GOLGA3: variants seen among roughly 807,000 people sequenced by gnomAD.
GOLGA3 encodes golgin A3.
GOLGA3 carries 75 observed loss-of-function variants against 169.4 expected under a neutral mutation model. The observed-to-expected ratio is 0.44, with a 90% CI of 0.37 to 0.54. GOLGA3 has a LOEUF of 0.54. Ranked by LOEUF, GOLGA3 falls within the 20% of genes least tolerant of loss-of-function variation. The probability of loss-of-function intolerance (pLI) is 0.00; values close to 1 mark genes in which losing one functional copy is unlikely to be tolerated. For missense variants in GOLGA3, 1,899 were observed against 1,930.0 expected (o/e 0.98, Z 0.30); for synonymous variants, 824 against 822.4 (o/e 1.00, Z -0.03).
intron 3 of GOLGA3, among the ~76,000 whole-genome samples, chr12:132,814,777 G>A (rs1451075246): frequency 6.6e-6 from 1 of 152,244 alleles, no homozygotes; most frequent in Non-Finnish European, 1.5e-5. Flanking sequence ...CGGGACAGGA[G>A]GGGAAAATTT....
chr12:132,806,003 G>A (rs149017681), intron 6 of GOLGA3, among the ~76,000 whole-genome samples: 5 of 152,314 alleles, frequency 3.3e-5, no homozygotes, highest in African/African-American at 1.2e-4. Flanking sequence ...AGTGGCCACC[G>A]CAGTGCTGTG....
At chr12:132,799,370 A>C (rs1484348138) in intron 8 of GOLGA3, among the ~76,000 whole-genome samples, 1 of 152,246 alleles carries the variant, frequency 6.6e-6, no homozygotes, top group Non-Finnish European at 1.5e-5. Flanking sequence ...AAAAGCAGTG[A>C]GGGCCCGGCA....
intron 4 of GOLGA3, chr12:132,811,878 G>A (rs893009492): frequency 4.1e-6 from 3 of 729,668 alleles, no homozygotes; most frequent in African/African-American, 1.9e-5. Context: ...TGGGCGCGAT[G>A]GTGGGTGCCT....
chr12:132,774,261 C>G lies in GOLGA3; in HGVS notation c.4203G>C (p.Pro1401=). ...GCAGCGAGGCGGGAACTGGGCAGTCCGGGATCTTGATGGGCGTGGCAGGGT... is the reference window on the plus strand; with the variant it reads ...GCAGCGAGGCGGGAACTGGGCAGTCGGGGATCTTGATGGGCGTGGCAGGGT... ...SSNPATPIKI[P]DCPVPASLLE... The change falls in exon 23 of 24, where the codon CCG becomes CCC. Residue 1401 remains proline, a synonymous_variant. Coordinates refer to ENST00000450791, the MANE Select transcript of GOLGA3 (RefSeq NM_001389683.1). The G allele has an allele frequency of 6.2e-7, 1 of 1,612,840 alleles. No individual in the cohort carries two copies.
At chr12:132,809,885 A>G (rs1400403609) in intron 4 of GOLGA3, among the ~76,000 whole-genome samples, 2 of 152,146 alleles carry the variant, frequency 1.3e-5, no homozygotes, top group Non-Finnish European at 2.9e-5. Context: ...TGCCACCCAC[A>G]GACTTCCTCA....
At chr12:132,775,390 G>A (rs1211118384) in intron 21 of GOLGA3, 85 bp from the exon 22 acceptor site, 6 of 1,178,480 alleles carry the variant, frequency 5.1e-6, no homozygotes, top group Admixed American at 2.1e-5. Context: ...CATAGGTTAA[G>A]CACACACATG....
At chr12:132,778,882 A>C (rs2045393632) in intron 18 of GOLGA3, among the ~76,000 whole-genome samples, 1 of 149,026 alleles carries the variant, frequency 6.7e-6, no homozygotes. Flanking sequence ...TGACAAAGTG[A>C]GACTCCGTCT....
chr12:132,799,715 C>T (rs1202538131), intron 8 of GOLGA3, among the ~76,000 whole-genome samples: 4 of 151,646 alleles, frequency 2.6e-5, no homozygotes, highest in Non-Finnish European at 5.9e-5. Flanking sequence ...GTCCAGGCTA[C>T]ACCACCATAC....
At chr12:132,823,232 G>A (rs1049248529) in intron 1 of GOLGA3, among the ~76,000 whole-genome samples, 3 of 152,226 alleles carry the variant, frequency 2.0e-5, no homozygotes, top group African/African-American at 7.2e-5. Flanking sequence ...GCTACATTCA[G>A]GGGAGCAAAA....
chr12:132,777,208 C>T lies in GOLGA3; in HGVS notation c.3723-118G>A, dbSNP rs891123759. 1 of 1,099,202 alleles carries T rather than the reference C, an allele frequency of 9.1e-7. No individual in the cohort carries two copies. 68.1% of individuals were successfully genotyped at this position (1,099,202 alleles called of 1,614,324 possible). ...GTCCTGGCAGGCCCTCTGCTGTGCA[C>T]TGCGTGCTGCAGCCATGCTTGGTGC... On this transcript the variant is annotated intron_variant, in intron 19 of 23. Coordinates refer to ENST00000450791, the MANE Select transcript of GOLGA3 (RefSeq NM_001389683.1). This position sits in a 1 kb window ranked among gnomAD's most constrained non-coding sequence, Gnocchi z 4.7.
At chr12:132,812,212 C>CACACAT (rs1481853600) in intron 4 of GOLGA3, among the ~76,000 whole-genome samples, 3 of 116,220 alleles carry the variant, frequency 2.6e-5, no homozygotes, top group African/African-American at 5.5e-5. Flanking sequence ...CACACACACA[C>CACACAT]ATATATATAT....
Position 132,808,055 on chromosome 12 carries a change from C to A in GOLGA3, c.1014G>T (p.Thr338=), listed in dbSNP as rs769753415. Residue 338 remains threonine, a synonymous_variant, in exon 5 of 24, where the codon ACG becomes ACT. Coordinates refer to ENST00000450791, the MANE Select transcript of GOLGA3 (RefSeq NM_001389683.1). ...TYGILSKTVG[T]QDTPYMVNGQ... ...CGTTGACCATATAGGGGGTGTCCTG[C>A]GTGCCCACTGTCTTCGACAGAATGC... is the stretch of plus-strand genomic sequence containing the variant. The A allele has an allele frequency of 6.2e-7, 1 of 1,600,576 alleles. No homozygotes were observed. The highest frequency in any genetic ancestry group is 8.5e-7 in the Non-Finnish European group (1 of 1,172,222).
chr12:132,802,763 T>G (rs1949195874), intron 7 of GOLGA3, among the ~76,000 whole-genome samples: 1 of 151,372 alleles, frequency 6.6e-6, no homozygotes, highest in African/African-American at 2.4e-5. Flanking sequence ...TTAAAAACAC[T>G]AGACAGTGTT....
chr12:132,827,787 G>C (rs1057006417), intron 1 of GOLGA3: 1 of 151,996 alleles, frequency 6.6e-6, no homozygotes, highest in Non-Finnish European at 1.5e-5. Flanking sequence ...AATCCACGAC[G>C]ACGGGTGTGG....
rs1020520307 is a variant in GOLGA3, at chr12:132,804,576, G to C, written c.1597+140C>G. ...CCAGTCGAGGAAGGAGGGAGCAGCG[G>C]GGACCAGTCGAGGAAGGAGGAGGGA... On this transcript the variant is annotated intron_variant, in intron 7 of 23. Transcript: ENST00000450791. This position sits in a 1 kb window ranked among gnomAD's most constrained non-coding sequence, Gnocchi z 4.1. 16 of 693,250 alleles carry C rather than the reference G, an allele frequency of 2.3e-5. No homozygotes were observed. In the East Asian group the frequency reaches 4.3e-4, roughly 19 times the overall value. 42.9% of individuals were successfully genotyped at this position (693,250 alleles called of 1,614,324 possible). A position where few individuals can be genotyped will look rare whatever the true frequency, so the allele number is the denominator to read the frequency against.
intron 11 of GOLGA3, among the ~76,000 whole-genome samples, chr12:132,795,241 G>T (rs1000312072): frequency 1.3e-5 from 2 of 151,236 alleles, no homozygotes; most frequent in Non-Finnish European, 2.9e-5. Flanking sequence ...CCTGTAATCC[G>T]AGCACTGTGG....
At chr12:132,803,097 A>C (rs73157056) in intron 7 of GOLGA3, among the ~76,000 whole-genome samples, 2 of 151,352 alleles carry the variant, frequency 1.3e-5, no homozygotes, top group South Asian at 2.1e-4. Context: ...ACAACAAAAA[A>C]AAACACTAGA....
intron 16 of GOLGA3, 150 bp from the exon 17 acceptor site, chr12:132,782,643 G>A (rs758714058): frequency 1.5e-5 from 10 of 657,088 alleles, no homozygotes; most frequent in South Asian, 1.1e-4. Context: ...TTGGGAGGCC[G>A]AGGCAGGGGG....
At chr12:132,775,961 G>C (rs1354956497) in intron 21 of GOLGA3, among the ~76,000 whole-genome samples, 1 of 152,250 alleles carries the variant, frequency 6.6e-6, no homozygotes, top group African/African-American at 2.4e-5. Context: ...GCGCGGCCAA[G>C]GGATCGGAGC....
Sources: gnomAD v4.1 joint callset for allele counts (sites outside exome capture counted in the v4.1 genomes callset) on GRCh38, gnomAD v4.1.1 for gene constraint, Gnocchi (gnomAD v3.1) non-coding constraint, MANE v1.5 for transcripts, NCBI Gene and HGNC (gene_info 2026-07-23, HGNC 2026-07-21) for gene names.